Variants in GALNT13 observed in about 807,000 individuals in gnomAD.
GALNT13 encodes polypeptide N-acetylgalactosaminyltransferase 13.
A neutral mutation model predicts 64.2 loss-of-function variants in GALNT13; 28 were observed. The observed-to-expected ratio is 0.44, with a 90% CI of 0.32 to 0.60. The LOEUF (loss-of-function observed/expected upper bound fraction) is 0.60. GALNT13 is among the 20% of genes least tolerant of loss of function. The pLI is 0.05. For missense variants in GALNT13, 577 were observed against 669.8 expected (o/e 0.86, Z 1.53); for synonymous variants, 214 against 224.6 (o/e 0.95, Z 0.42).
chr2:154,013,219 CT>C (rs2105254006), intron 3 of GALNT13, among the ~76,000 whole-genome samples: 1 of 151,400 alleles, frequency 6.6e-6, no homozygotes, highest in African/African-American at 2.4e-5. Context: ...TGAACGAAGC[CT>C]TTTGCTTTTA....
At chr2:153,493,832 C>T in the GALNT13 span, among the ~76,000 whole-genome samples, 3 of 151,628 alleles carry the variant, frequency 2.0e-5, no homozygotes, top group East Asian at 5.8e-4. Flanking sequence ...TTGGATTTCA[C>T]ATCAAGAAAA....
chr2:153,334,483 A>G, the GALNT13 span, among the ~76,000 whole-genome samples: 1 of 152,324 alleles, frequency 6.6e-6, no homozygotes, highest in Admixed American at 6.5e-5. Flanking sequence ...AACTAAAGTT[A>G]AGGGCTTTTA....
At chr2:153,216,513 T>G in the GALNT13 span, among the ~76,000 whole-genome samples, 1 of 152,042 alleles carries the variant, frequency 6.6e-6, no homozygotes, top group African/African-American at 2.4e-5. Context: ...TTCCAATAGG[T>G]GTACAGTAGT....
At chr2:153,308,874 A>T in the GALNT13 span, among the ~76,000 whole-genome samples, 1 of 152,188 alleles carries the variant, frequency 6.6e-6, no homozygotes, top group South Asian at 2.1e-4. Flanking sequence ...ATGTTTAAAG[A>T]GGCAGAAAAT....
chr2:154,329,746 G>A (rs1559094078), intron 9 of GALNT13, among the ~76,000 whole-genome samples: 6 of 151,798 alleles, frequency 4.0e-5, no homozygotes. Context: ...AGGGGTGTGA[G>A]TGAGTTCTCA....
At chr2:153,362,254 C>T in the GALNT13 span, among the ~76,000 whole-genome samples, 1 of 152,020 alleles carries the variant, frequency 6.6e-6, no homozygotes, top group Admixed American at 6.6e-5. Flanking sequence ...CAGTACCACC[C>T]ACTGCAAAAA....
At chr2:154,340,981 T>C (rs1031584290) in intron 9 of GALNT13, among the ~76,000 whole-genome samples, 13 of 152,084 alleles carry the variant, frequency 8.5e-5, no homozygotes, top group Non-Finnish European at 1.8e-4. Flanking sequence ...TGTACATTTA[T>C]GCATATATTC....
chr2:154,045,148 T>TAACAGAGGG (rs1160316641), intron 3 of GALNT13, among the ~76,000 whole-genome samples: 1 of 152,162 alleles, frequency 6.6e-6, no homozygotes, highest in Non-Finnish European at 1.5e-5. Context: ...TAGATGGAAG[T>TAACAGAGGG]AACAGAATAA....
At chr2:153,953,433 G>A (rs1340519681) in intron 3 of GALNT13, among the ~76,000 whole-genome samples, 1 of 151,970 alleles carries the variant, frequency 6.6e-6, no homozygotes, top group Non-Finnish European at 1.5e-5. Flanking sequence ...TGTAAAGTTG[G>A]CATTATTATT....
At chr2:153,723,740 C>A in the GALNT13 span, among the ~76,000 whole-genome samples, 2 of 151,724 alleles carry the variant, frequency 1.3e-5, no homozygotes, top group Admixed American at 6.6e-5. Flanking sequence ...AGGAATCCAA[C>A]TTACAAGGGA....
the GALNT13 span, among the ~76,000 whole-genome samples, chr2:153,722,984 G>T: frequency 6.6e-5 from 10 of 152,082 alleles, no homozygotes; most frequent in South Asian, 2.1e-4. Context: ...TACCAAAGCC[G>T]GGCAGAGACA....
chr2:153,812,878 G>T, the GALNT13 span, among the ~76,000 whole-genome samples: 2 of 152,182 alleles, frequency 1.3e-5, no homozygotes, highest in Non-Finnish European at 2.9e-5. Flanking sequence ...AATGTTGACT[G>T]TAAAAGATCC....
intron 3 of GALNT13, among the ~76,000 whole-genome samples, chr2:154,030,311 A>G (rs1265379907): frequency 2.6e-5 from 4 of 152,122 alleles, no homozygotes; most frequent in African/African-American, 9.7e-5. Context: ...AAAAAGACAT[A>G]TTATGTACAG....
At chr2:153,235,247 G>A in the GALNT13 span, among the ~76,000 whole-genome samples, 1 of 152,232 alleles carries the variant, frequency 6.6e-6, no homozygotes, top group East Asian at 1.9e-4. Context: ...ATACTCAGTG[G>A]CCCAGTTCAG....
the GALNT13 span, among the ~76,000 whole-genome samples, chr2:153,764,301 CCAAGG>C: frequency 6.6e-6 from 1 of 152,104 alleles, no homozygotes; most frequent in Admixed American, 6.5e-5. Flanking sequence ...CTTTGGGAGG[CCAAGG>C]AGGGCAGATC....
the GALNT13 span, among the ~76,000 whole-genome samples, chr2:153,186,619 A>T: frequency 6.6e-6 from 1 of 150,958 alleles, no homozygotes; most frequent in Non-Finnish European, 1.5e-5. Flanking sequence ...CCCAGGCTGG[A>T]GTGCAGTGGC....
At chr2:153,253,165 C>A in the GALNT13 span, among the ~76,000 whole-genome samples, 1 of 150,788 alleles carries the variant, frequency 6.6e-6, no homozygotes, top group Non-Finnish European at 1.5e-5. Context: ...TTGTAGTTCT[C>A]CTTGAAGAGG....
At chr2:153,471,493 C>T in the GALNT13 span, among the ~76,000 whole-genome samples, 1 of 152,054 alleles carries the variant, frequency 6.6e-6, no homozygotes, top group Admixed American at 6.6e-5. Context: ...TTTAGTCCTC[C>T]CTCTCAGCAG....
the GALNT13 span, among the ~76,000 whole-genome samples, chr2:153,075,947 T>G: frequency 6.6e-6 from 1 of 152,212 alleles, no homozygotes; most frequent in Non-Finnish European, 1.5e-5. Flanking sequence ...AAAGATATAT[T>G]TCTTATTCCT....
Sources: gnomAD v4.1 joint callset for allele counts (sites outside exome capture counted in the v4.1 genomes callset) on GRCh38, gnomAD v4.1.1 for gene constraint, MANE v1.5 for transcripts, NCBI Gene and HGNC (gene_info 2026-07-23, HGNC 2026-07-21) for gene names.